DGKB: variants seen among roughly 807,000 people sequenced by gnomAD.
DGKB encodes diacylglycerol kinase beta.
A neutral mutation model predicts 114.3 loss-of-function variants in DGKB; 67 were observed. That is an observed-to-expected ratio of 0.59 (90% CI 0.48 to 0.72). The LOEUF is 0.72. DGKB is among the 30% of genes least tolerant of loss of function. The pLI is 0.00. For synonymous variants in DGKB, 398 were observed against 323.1 expected, an observed-to-expected ratio of 1.23 and a Z score of -2.49; for missense variants, 907 against 975.2, an observed-to-expected ratio of 0.93 and a Z score of 0.93.
At chr7:14,878,906 G>T (rs1423059719) in intron 1 of DGKB, among the ~76,000 whole-genome samples, 1 of 149,366 alleles carries the variant, frequency 6.7e-6, no homozygotes, top group African/African-American at 2.6e-5. Flanking sequence ...TAGGCTATAG[G>T]TTACAAGATC....
At chr7:14,259,296 C>T (rs1041285193) in intron 23 of DGKB, among the ~76,000 whole-genome samples, 1 of 147,628 alleles carries the variant, frequency 6.8e-6, no homozygotes, top group Non-Finnish European at 1.5e-5. Context: ...GCAATACTGG[C>T]AAATTAACAA....
intron 21 of DGKB, among the ~76,000 whole-genome samples, chr7:14,430,449 G>A (rs1281046289): frequency 6.6e-6 from 1 of 152,056 alleles, no homozygotes; most frequent in Non-Finnish European, 1.5e-5. Context: ...ATCATGATTG[G>A]TTAACATGTG....
At chr7:14,853,652 C>T (rs1304140623) in intron 1 of DGKB, among the ~76,000 whole-genome samples, 3 of 151,704 alleles carry the variant, frequency 2.0e-5, no homozygotes, top group African/African-American at 4.8e-5. Flanking sequence ...GTCAGGACAT[C>T]GAGACCATCC....
intron 17 of DGKB, among the ~76,000 whole-genome samples, chr7:14,592,927 A>C (rs1222250453): frequency 6.6e-6 from 1 of 152,002 alleles, no homozygotes; most frequent in Non-Finnish European, 1.5e-5. Context: ...CACCTGTTTC[A>C]ACAAATTCGT....
At chr7:14,308,440 A>G (rs1804837857) in intron 23 of DGKB, among the ~76,000 whole-genome samples, 1 of 152,208 alleles carries the variant, frequency 6.6e-6, no homozygotes, top group Non-Finnish European at 1.5e-5. Flanking sequence ...ATACTATTAA[A>G]TGGTATAAAA....
chr7:14,653,519 G>T (rs371721916), intron 13 of DGKB, among the ~76,000 whole-genome samples: 3 of 152,094 alleles, frequency 2.0e-5, no homozygotes, highest in East Asian at 1.9e-4. Flanking sequence ...GTGGGGGTAG[G>T]GGGGAGGGAT....
At chr7:14,442,092 T>C (rs1315935670) in intron 21 of DGKB, among the ~76,000 whole-genome samples, 1 of 152,040 alleles carries the variant, frequency 6.6e-6, no homozygotes, top group African/African-American at 2.4e-5. Context: ...ACTTCTTTAC[T>C]TTGTAACAAA....
intron 17 of DGKB, among the ~76,000 whole-genome samples, chr7:14,587,019 G>A (rs548045473): frequency 2.0e-5 from 3 of 152,204 alleles, no homozygotes; most frequent in South Asian, 2.1e-4. Flanking sequence ...CAACTTTCAA[G>A]TCTTATTTAA....
chr7:14,567,521 A>G (rs1285292093), intron 20 of DGKB, among the ~76,000 whole-genome samples: 15 of 97,094 alleles, frequency 1.5e-4, no homozygotes, highest in South Asian at 1.5e-3. Flanking sequence ...ATATATTTAT[A>G]TATTATAATT....
At chr7:14,326,600 G>A (rs538463479) in intron 23 of DGKB, among the ~76,000 whole-genome samples, 127 of 152,218 alleles carry the variant, frequency 8.3e-4, no homozygotes, top group African/African-American at 2.9e-3. Flanking sequence ...AGAAAATTAA[G>A]ACAGAGAAGA....
chr7:14,801,872 AC>A (rs1248261021), intron 2 of DGKB, among the ~76,000 whole-genome samples: 1 of 151,762 alleles, frequency 6.6e-6, no homozygotes, highest in African/African-American at 2.4e-5. Flanking sequence ...GTATATATAT[AC>A]ATATGTGTGT....
At chr7:14,329,253 A>G (rs1185956627) in intron 23 of DGKB, among the ~76,000 whole-genome samples, 1 of 151,866 alleles carries the variant, frequency 6.6e-6, no homozygotes, top group East Asian at 1.9e-4. Flanking sequence ...GGACCCTCCT[A>G]GCACCCTTCT....
chr7:14,517,004 C>G (rs1434133762), intron 20 of DGKB, among the ~76,000 whole-genome samples: 1 of 152,024 alleles, frequency 6.6e-6, no homozygotes, highest in Non-Finnish European at 1.5e-5. Flanking sequence ...TCAAGTTGAT[C>G]CTAAGCAAAA....
chr7:14,362,375 T>A (rs1480929384), intron 21 of DGKB, among the ~76,000 whole-genome samples: 1 of 152,088 alleles, frequency 6.6e-6, no homozygotes, highest in African/African-American at 2.4e-5. Flanking sequence ...AACTTCCCAA[T>A]GAACATAAAA....
rs906165062 is a variant in DGKB, at chr7:14,475,920, C to G, written c.1835+2241G>C. Among the ~76,000 whole-genome samples the G allele has an allele frequency of 3.9e-5, 6 of 152,040 alleles. No homozygotes were observed. In the South Asian group the frequency reaches 8.3e-4, roughly 21 times the overall value. On this transcript the variant is annotated intron_variant, in intron 21 of 25. Coordinates refer to ENST00000402815, the MANE Select transcript of DGKB (RefSeq NM_001350709.2). The stretch of plus-strand genomic sequence containing the variant: ...TATTCTGCAGAAAGAAATTCATTAG[C>G]CTCTGATGCTTGAGAGAGGGTAATA...
At chr7:14,775,551 A>T (rs1189718941) in intron 2 of DGKB, among the ~76,000 whole-genome samples, 1 of 151,904 alleles carries the variant, frequency 6.6e-6, no homozygotes. Context: ...GTGGGAGATA[A>T]TTGAATCATC....
chr7:14,477,849 T>C (rs1450819444), intron 21 of DGKB, among the ~76,000 whole-genome samples: 1 of 152,114 alleles, frequency 6.6e-6, no homozygotes, highest in Non-Finnish European at 1.5e-5. Context: ...TTGATTGCTG[T>C]TCATATACGT....
chr7:14,454,601 A>G (rs1832011385), intron 21 of DGKB, among the ~76,000 whole-genome samples: 1 of 152,080 alleles, frequency 6.6e-6, no homozygotes, highest in Non-Finnish European at 1.5e-5. Context: ...ATCATATATG[A>G]TTGCTATCAG....
intron 2 of DGKB, among the ~76,000 whole-genome samples, chr7:14,782,029 ATTTT>A (rs1839176818): frequency 6.6e-6 from 1 of 152,060 alleles, no homozygotes; most frequent in Non-Finnish European, 1.5e-5. Context: ...TGATGGAATT[ATTTT>A]ATTTCATTTG....
Sources: allele counts gnomAD v4.1 joint callset (sites outside exome capture counted in the v4.1 genomes callset), GRCh38; gene constraint gnomAD v4.1.1; transcripts MANE v1.5; gene names NCBI Gene and HGNC (gene_info 2026-07-23, HGNC 2026-07-21).